The following DPYSL2 variants were observed in gnomAD, a reference collection of about 807,000 sequenced individuals.
DPYSL2 encodes the protein dihydropyrimidinase like 2, also known as dihydropyrimidinase-related protein 2.
DPYSL2 carries 13 observed loss-of-function variants against 69.9 expected under a neutral mutation model. The ratio of observed to expected loss-of-function variants is 0.19; its 90% CI spans 0.12 to 0.30. DPYSL2 has a LOEUF of 0.30. Ranked by LOEUF, DPYSL2 falls within the 10% of genes least tolerant of loss-of-function variation. The probability of loss-of-function intolerance (pLI) is 1.00; values close to 1 mark genes in which losing one functional copy is unlikely to be tolerated. For missense variants in DPYSL2, 587 were observed against 918.9 expected, an observed-to-expected ratio of 0.64 and a Z score of 4.67; for synonymous variants, 326 against 359.1, an observed-to-expected ratio of 0.91 and a Z score of 1.04.
rs202167869 is a variant in DPYSL2 at position 26,626,668 on chromosome 8, C to T, written c.845C>T (p.Thr282Met). Reference protein sequence around the residue: ...YMAFKDRFQLTDCQIYEVLSV... With the variant: ...YMAFKDRFQLMDCQIYEVLSV... ...GCTTTCAAAGATCGCTTCCAGCTAA[C>T]GGATTGCCAGGTAAGAAAGTCGGCT... is the stretch of plus-strand genomic sequence containing the variant. The change falls in exon 5 of 14, where the codon ACG (threonine) becomes ATG (methionine). Residue 282 changes from threonine to methionine, a missense_variant. Transcript: ENST00000521913. This position sits in a 1 kb window ranked among gnomAD's most constrained non-coding sequence, Gnocchi z 4.3. The T allele has an allele frequency of 1.7e-4, 273 of 1,614,022 alleles. No homozygotes were observed. Among genetic ancestry groups the T allele is most frequent in the Non-Finnish European group, 1.8e-4 (212 of 1,180,028 alleles).
rs1802308278 is a variant in DPYSL2, at chr8:26,614,700, T to C, written c.629-9443T>C. On this transcript the variant is annotated intron_variant, in intron 3 of 13. Coordinates refer to ENST00000521913, the MANE Select transcript of DPYSL2 (RefSeq NM_001197293.3). This position sits in a 1 kb window ranked among gnomAD's most constrained non-coding sequence, Gnocchi z 4.9. ...ATGACCGATGGTGCCACTTGATTTA[T>C]ATGAAGATACTGGTTTAGTTTTAAA... Among the ~76,000 whole-genome samples, 1 of 152,210 alleles carries C rather than the reference T, an allele frequency of 6.6e-6. No individual in the cohort carries two copies. The highest frequency in any genetic ancestry group is 1.5e-5 in the Non-Finnish European group (1 of 68,042).
Position 26,653,101 on chromosome 8 carries a change from C to A in DPYSL2, c.1777-131C>A. On this transcript the variant is annotated intron_variant, in intron 12 of 13. Coordinates refer to ENST00000521913, the MANE Select transcript of DPYSL2 (RefSeq NM_001197293.3). The surrounding 1 kb of genome is among the most constrained non-coding windows in gnomAD (Gnocchi z 5.7). ...TGGTGGGAGCTGGCCCCACACAACACCTGTCCACCTGTCTGTAAGGAGAGC... is the reference window on the plus strand; with the variant it reads ...TGGTGGGAGCTGGCCCCACACAACAACTGTCCACCTGTCTGTAAGGAGAGC... The A allele has an allele frequency of 1.8e-6, 2 of 1,135,444 alleles. No homozygotes were observed. Among genetic ancestry groups the A allele is most frequent in the Non-Finnish European group, 2.5e-6 (2 of 795,958 alleles). The allele number at this position is 1,135,444 out of a possible 1,614,324, so 70.3% of individuals were successfully genotyped here.
rs940225020 is a variant in DPYSL2, at chr8:26,593,233, C to T, written c.628+9250C>T. ...AAGAGAATTTTGCAATGAACTAGGG[C>T]AGTGGTTTAAAAACCTTGACTGCAC... On this transcript the variant is annotated intron_variant, in intron 3 of 13. Coordinates refer to ENST00000521913, the MANE Select transcript of DPYSL2 (RefSeq NM_001197293.3). This position sits in a 1 kb window ranked among gnomAD's most constrained non-coding sequence, Gnocchi z 5.7. 6.6e-6 allele frequency among the ~76,000 whole-genome samples: 1 copy of T among 152,016 alleles called. No individual in the cohort carries two copies. Among genetic ancestry groups the T allele is most frequent in the Non-Finnish European group, 1.5e-5 (1 of 68,012 alleles).
rs1585547145 is a variant in DPYSL2 at position 26,614,232 on chromosome 8, G to C, written c.629-9911G>C. Among the ~76,000 whole-genome samples, 3 of 152,328 alleles carry C rather than the reference G, an allele frequency of 2.0e-5. No individual in the cohort carries two copies. The South Asian group carries it at 6.2e-4, about 32-fold the overall frequency. ...TGGGAAGTAAATTTGCAAGATTGCT[G>C]TCTGGGAGCTGGACAGACAGGAAGG... On this transcript the variant is annotated intron_variant, in intron 3 of 13. Coordinates refer to ENST00000521913, the MANE Select transcript of DPYSL2 (RefSeq NM_001197293.3). The surrounding 1 kb of genome is among the most constrained non-coding windows in gnomAD (Gnocchi z 4.9).
chr8:26,514,552 C>A lies in DPYSL2; in HGVS notation c.227C>A (p.Pro76Gln). 1.3e-6 allele frequency: 2 copies of A among 1,527,018 alleles called. No individual in the cohort carries two copies. Among genetic ancestry groups the A allele is most frequent in the Non-Finnish European group, 1.8e-6 (2 of 1,142,766 alleles). 94.6% of individuals were successfully genotyped at this position (1,527,018 alleles called of 1,614,324 possible). ...AQQRDVAHLG[P>Q]DPQPPYSRQG... is the part of the protein sequence containing the mutation. Reference sequence around the variant, plus strand: ...CAGCGGGACGTCGCCCACTTGGGCCCGGACCCGCAGCCGCCGTACTCGCGG... The same window carrying A: ...CAGCGGGACGTCGCCCACTTGGGCCAGGACCCGCAGCCGCCGTACTCGCGG... Residue 76 changes from proline to glutamine, a missense_variant, in exon 1 of 14, where the codon CCG (proline) becomes CAG (glutamine). Physicochemically the swap from Pro to Gln is moderately conservative, Grantham distance 76. Transcript: ENST00000521913. This position sits in a 1 kb window ranked among gnomAD's most constrained non-coding sequence, Gnocchi z 8.4.
At chr8:26,646,757 G>A (rs548280626) in intron 10 of DPYSL2, among the ~76,000 whole-genome samples, 22 of 152,184 alleles carry the variant, frequency 1.4e-4, no homozygotes, top group Admixed American at 6.5e-4. Flanking sequence ...TTGGGAGAGC[G>A]AGGTGGGAGG....
At position 26,551,742 on chromosome 8, in the gene DPYSL2, A is replaced by G. The variant is rs74449479; in HGVS notation, c.355-30227A>G. ...CATACAAAGTAAGCTCTCAGACCAC[A>G]ATGAACTTAAACTAGAAATCAGTAA... On this transcript the variant is annotated intron_variant, in intron 1 of 13. Coordinates refer to ENST00000521913, the MANE Select transcript of DPYSL2 (RefSeq NM_001197293.3). 9.3e-3 allele frequency among the ~76,000 whole-genome samples: 1,415 copies of G among 152,294 alleles called. 23 individuals are homozygous for G. Among genetic ancestry groups the G allele is most frequent in the African/African-American group, 0.032 (1,349 of 41,562 alleles).
At chr8:26,534,602 T>C (rs1432134358) in intron 1 of DPYSL2, among the ~76,000 whole-genome samples, 1 of 152,012 alleles carries the variant, frequency 6.6e-6, no homozygotes, top group Non-Finnish European at 1.5e-5. Flanking sequence ...CAAATGAAAA[T>C]ATAGGACACA....
rs1259724311 is a variant in DPYSL2 at position 26,571,247 on chromosome 8, T to C, written c.355-10722T>C. The stretch of plus-strand genomic sequence containing the variant: ...AAGTAGACTAGTTTAAAAACCTTCC[T>C]GGACCTTACCTCCGGATATTCTGTT... On this transcript the variant is annotated intron_variant, in intron 1 of 13. Coordinates refer to ENST00000521913, the MANE Select transcript of DPYSL2 (RefSeq NM_001197293.3). This position sits in a 1 kb window ranked among gnomAD's most constrained non-coding sequence, Gnocchi z 6.1. Among the ~76,000 whole-genome samples, 2 of 152,162 alleles carry C rather than the reference T, an allele frequency of 1.3e-5. No homozygotes were observed. The highest frequency in any genetic ancestry group is 4.8e-5 in the African/African-American group (2 of 41,438).
rs191123525 is a variant in DPYSL2 at position 26,565,754 on chromosome 8, G to A, written c.355-16215G>A. 4.6e-5 allele frequency among the ~76,000 whole-genome samples: 7 copies of A among 152,294 alleles called. No homozygotes were observed. In the East Asian group the frequency reaches 1.2e-3, roughly 25 times the overall value. The stretch of plus-strand genomic sequence containing the variant: ...TTCAAGGTGGGTGTTTCTGTTGAGT[G>A]GGCAGAGAAAGGTACAGGGTCCCCG... On this transcript the variant is annotated intron_variant, in intron 1 of 13. Coordinates refer to ENST00000521913, the MANE Select transcript of DPYSL2 (RefSeq NM_001197293.3). This position sits in a 1 kb window ranked among gnomAD's most constrained non-coding sequence, Gnocchi z 4.1.
At chr8:26,529,728 ATTTTTTT>A (rs71216757) in intron 1 of DPYSL2, among the ~76,000 whole-genome samples, 3 of 135,482 alleles carry the variant, frequency 2.2e-5, no homozygotes, top group Non-Finnish European at 3.1e-5. Flanking sequence ...TTTAACCGTA[ATTTTTTT>A]TTTTTTTTTT....
chr8:26,596,544 C>T (rs571516813), intron 3 of DPYSL2, among the ~76,000 whole-genome samples: 3 of 152,318 alleles, frequency 2.0e-5, no homozygotes, highest in Admixed American at 6.5e-5. Context: ...GTCCTTTTCA[C>T]AAGAGATGGT....
In DPYSL2 at chr8:26,586,843, C is replaced by T. The variant is rs1327457334; in HGVS notation, c.628+2860C>T. On this transcript the variant is annotated intron_variant, in intron 3 of 13. Transcript: ENST00000521913. The surrounding 1 kb of genome is among the most constrained non-coding windows in gnomAD (Gnocchi z 4.7). ...GCATTTGCACGGAGGCTGTGTGATG[C>T]GATCTGGCTATAGAGTGGGGCATCC... Among the ~76,000 whole-genome samples, 1 of 152,192 alleles carries T rather than the reference C, an allele frequency of 6.6e-6. No individual in the cohort carries two copies. The highest frequency in any genetic ancestry group is 2.4e-5 in the African/African-American group (1 of 41,430).
rs1403021143 is a variant in DPYSL2, at chr8:26,582,728, G to T, written c.443+671G>T. Among the ~76,000 whole-genome samples, 1 of 152,156 alleles carries T rather than the reference G, an allele frequency of 6.6e-6. No homozygotes were observed. Among genetic ancestry groups the T allele is most frequent in the Admixed American group, 6.5e-5 (1 of 15,272 alleles). On this transcript the variant is annotated intron_variant, in intron 2 of 13. Coordinates refer to ENST00000521913, the MANE Select transcript of DPYSL2 (RefSeq NM_001197293.3). This position sits in a 1 kb window ranked among gnomAD's most constrained non-coding sequence, Gnocchi z 4.1. ...GTATCTGCCTGCCCTTTCTACTGGGGTAGCTCCCGGGGCTCTGGAGAAATA... is the reference window on the plus strand; with the variant it reads ...GTATCTGCCTGCCCTTTCTACTGGGTTAGCTCCCGGGGCTCTGGAGAAATA...
At chr8:26,569,354 CAAAA>C (rs771471331) in intron 1 of DPYSL2, among the ~76,000 whole-genome samples, 2 of 52,274 alleles carry the variant, frequency 3.8e-5, no homozygotes, top group East Asian at 9.0e-4. Flanking sequence ...ACCCTATCTC[CAAAA>C]AAAAAACAAA....
rs1158262646 is a variant in DPYSL2 at position 26,605,015 on chromosome 8, A to G, written c.629-19128A>G. Among the ~76,000 whole-genome samples, 1 of 152,126 alleles carries G rather than the reference A, an allele frequency of 6.6e-6. No individual in the cohort carries two copies. The highest frequency in any genetic ancestry group is 1.5e-5 in the Non-Finnish European group (1 of 68,024). On this transcript the variant is annotated intron_variant, in intron 3 of 13. Transcript: ENST00000521913. The surrounding 1 kb of genome is among the most constrained non-coding windows in gnomAD (Gnocchi z 4.1). ...GCGTGGTCATCATTTGGTCTGCTTT[A>G]GTAGAGAGTATCTTTTATGTTTCTC...
chr8:26,652,218 G>T lies in DPYSL2; in HGVS notation c.1597-39G>T. ...CTGCCGGGTGGATTGAGTCCAGCCA[G>T]AGTGGCCTGTTCTAGAGTTTACTTT... On this transcript the variant is annotated intron_variant, in intron 11 of 13. Coordinates refer to ENST00000521913, the MANE Select transcript of DPYSL2 (RefSeq NM_001197293.3). This position sits in a 1 kb window ranked among gnomAD's most constrained non-coding sequence, Gnocchi z 6.3. 6.4e-7 allele frequency: 1 copy of T among 1,573,818 alleles called. No homozygotes were observed. Among genetic ancestry groups the T allele is most frequent in the South Asian group, 1.2e-5 (1 of 85,440 alleles).
At chr8:26,563,581 A>G (rs565557733) in intron 1 of DPYSL2, among the ~76,000 whole-genome samples, 8 of 152,330 alleles carry the variant, frequency 5.3e-5, no homozygotes, top group African/African-American at 1.9e-4. Context: ...TCTTGGGACT[A>G]AATCTCTACC....
intron 3 of DPYSL2, among the ~76,000 whole-genome samples, chr8:26,622,134 C>CTTCCTTCG (rs1802499536): frequency 2.0e-5 from 1 of 50,822 alleles, no homozygotes; most frequent in Non-Finnish European, 4.6e-5. Flanking sequence ...TCCTTCCTTC[C>CTTCCTTCG]TTCCTTCCTT....
Sources: gnomAD v4.1 joint callset for allele counts (sites outside exome capture counted in the v4.1 genomes callset) on GRCh38, gnomAD v4.1.1 for gene constraint, Gnocchi (gnomAD v3.1) non-coding constraint, MANE v1.5 for transcripts, NCBI Gene and HGNC (gene_info 2026-07-23, HGNC 2026-07-21) for gene names.